GPHN: variants seen among roughly 807,000 people sequenced by gnomAD.
GPHN encodes the protein gephyrin.
GPHN carries 17 observed loss-of-function variants against 95.5 expected under a neutral mutation model. The observed-to-expected ratio is 0.18, with a 90% confidence interval of 0.12 to 0.27. The LOEUF is 0.27. Ranked by LOEUF, GPHN falls within the 10% of genes least tolerant of loss-of-function variation. The pLI is 1.00. For synonymous variants in GPHN, 320 were observed against 322.5 expected (o/e 0.99, Z 0.08); for missense variants, 660 against 978.1 (o/e 0.67, Z 4.34).
the GPHN span, among the ~76,000 whole-genome samples, chr14:67,263,892 C>G: frequency 6.6e-6 from 1 of 152,152 alleles, no homozygotes; most frequent in East Asian, 1.9e-4. Flanking sequence ...GGTAGTAATT[C>G]TTTCTATTTT....
intron 5 of GPHN, among the ~76,000 whole-genome samples, chr14:66,898,142 C>T (rs970641721): frequency 2.0e-5 from 3 of 151,766 alleles, no homozygotes; most frequent in Non-Finnish European, 4.4e-5. Flanking sequence ...TTGTTTTCTC[C>T]CAGTCAATAC....
intron 18 of GPHN, among the ~76,000 whole-genome samples, chr14:67,148,439 G>A (rs1455996217): frequency 1.3e-5 from 2 of 151,900 alleles, no homozygotes; most frequent in African/African-American, 4.8e-5. Flanking sequence ...TTTATATTCT[G>A]GAACAAATTG....
chr14:67,292,513 A>G, the GPHN span: 2 of 1,595,790 alleles, frequency 1.3e-6, no homozygotes, highest in South Asian at 2.2e-5. Context: ...TCTACTAGAA[A>G]TAGAAGACTT....
intron 2 of GPHN, among the ~76,000 whole-genome samples, chr14:66,737,165 T>C (rs564619301): frequency 6.6e-6 from 1 of 152,350 alleles, no homozygotes; most frequent in African/African-American, 2.4e-5. Flanking sequence ...CTGTAGTTCG[T>C]CGTTTCTACA....
At chr14:67,046,990 A>C (rs533205261) in intron 10 of GPHN, among the ~76,000 whole-genome samples, 1 of 152,244 alleles carries the variant, frequency 6.6e-6, no homozygotes, top group Admixed American at 6.5e-5. Flanking sequence ...TAAGTTTCCT[A>C]GGAAAGCTAT....
the GPHN span, chr14:67,208,254 A>G: frequency 6.2e-7 from 1 of 1,614,074 alleles, no homozygotes; most frequent in South Asian, 1.1e-5. Flanking sequence ...ACAAAAAGTA[A>G]GAGTGAGTTG....
chr14:67,213,626 C>T, the GPHN span, among the ~76,000 whole-genome samples: 21 of 152,180 alleles, frequency 1.4e-4, no homozygotes, highest in East Asian at 1.2e-3. Context: ...AATAAACTTA[C>T]GTGTGCATGT....
chr14:67,366,010 CTA>C, the GPHN span, among the ~76,000 whole-genome samples: 3 of 151,552 alleles, frequency 2.0e-5, no homozygotes, highest in Non-Finnish European at 4.4e-5. Flanking sequence ...TACTTTGAGA[CTA>C]TTTGTTAAAC....
At chr14:67,688,337 T>C in the GPHN span, among the ~76,000 whole-genome samples, 1 of 152,188 alleles carries the variant, frequency 6.6e-6, no homozygotes, top group Non-Finnish European at 1.5e-5. Flanking sequence ...AAGGCACATC[T>C]ATACTACGAA....
intron 19 of GPHN, among the ~76,000 whole-genome samples, chr14:67,163,867 T>G (rs1317911403): frequency 1.3e-5 from 2 of 151,962 alleles, no homozygotes; most frequent in African/African-American, 4.8e-5. Flanking sequence ...AAAAAAACAC[T>G]ATTCTCAACT....
chr14:67,284,429 T>TAAAAAAAA, the GPHN span, among the ~76,000 whole-genome samples: 55 of 92,676 alleles, frequency 5.9e-4, 10 homozygotes, highest in East Asian at 3.6e-3. Context: ...CCCTATCTCT[T>TAAAAAAAA]AAAAAAAAAA....
At chr14:67,327,645 C>A in the GPHN span, among the ~76,000 whole-genome samples, 1 of 152,068 alleles carries the variant, frequency 6.6e-6, no homozygotes, top group Non-Finnish European at 1.5e-5. Flanking sequence ...CCCTCTCCCC[C>A]CACCCCACAA....
chr14:66,709,265 G>A (rs1479825679), intron 2 of GPHN: 4 of 451,326 alleles, frequency 8.9e-6, no homozygotes, highest in Non-Finnish European at 1.8e-5. Flanking sequence ...TATTAAACAG[G>A]ATTAGAACTC....
At chr14:66,952,144 A>C (rs1171411588) in intron 8 of GPHN, among the ~76,000 whole-genome samples, 1 of 152,140 alleles carries the variant, frequency 6.6e-6, no homozygotes, top group African/African-American at 2.4e-5. Flanking sequence ...AGAAAATTTT[A>C]TCACCACCGC....
chr14:67,054,287 A>G (rs148388458), intron 10 of GPHN, among the ~76,000 whole-genome samples: 138 of 152,370 alleles, frequency 9.1e-4, no homozygotes, highest in African/African-American at 3.2e-3. Context: ...AAAAATCACA[A>G]GCATTCCTAT....
chr14:67,041,709 T>G (rs1434760408), intron 10 of GPHN, among the ~76,000 whole-genome samples: 1 of 152,204 alleles, frequency 6.6e-6, no homozygotes, highest in East Asian at 1.9e-4. Flanking sequence ...ATAGAATGAT[T>G]TATAATCCTT....
chr14:66,952,158 C>A (rs559613510), intron 8 of GPHN, among the ~76,000 whole-genome samples: 103 of 152,112 alleles, frequency 6.8e-4, no homozygotes, highest in African/African-American at 2.2e-3. Context: ...CCACCGCTCC[C>A]AAAAAAACAC....
At chr14:67,620,980 T>C in the GPHN span, 5 of 1,612,856 alleles carry the variant, frequency 3.1e-6, no homozygotes, top group South Asian at 4.4e-5. Context: ...AGTGGTTAGA[T>C]TTTTAGATAT....
At chr14:67,296,853 G>A in the GPHN span, among the ~76,000 whole-genome samples, 1 of 152,008 alleles carries the variant, frequency 6.6e-6, no homozygotes, top group African/African-American at 2.4e-5. Context: ...TCCCACCTCA[G>A]CCTCCTGAAT....
Sources: allele counts gnomAD v4.1 joint callset (sites outside exome capture counted in the v4.1 genomes callset), GRCh38; gene constraint gnomAD v4.1.1; transcripts MANE v1.5; gene names NCBI Gene and HGNC (gene_info 2026-07-23, HGNC 2026-07-21).